The following NRIP3 variants were observed in gnomAD, a reference collection of about 807,000 sequenced individuals.
The protein encoded by NRIP3 is nuclear receptor interacting protein 3.
Under a neutral mutation model 29.0 loss-of-function variants are expected in NRIP3, and 31 were observed. The ratio of observed to expected loss-of-function variants is 1.07; its 90% CI spans 0.80 to 1.44. NRIP3 has a LOEUF of 1.44. NRIP3 is among the 40% of genes most tolerant of loss of function. The pLI, the probability that NRIP3 is intolerant of heterozygous loss-of-function variation, is 0.00. For missense variants in NRIP3, 314 were observed against 297.9 expected (o/e 1.05, Z -0.40); for synonymous variants, 131 against 118.3 (o/e 1.11, Z -0.70).
intron 1 of NRIP3, among the ~76,000 whole-genome samples, chr11:8,997,355 CAAAAAAAAAA>C (rs11324721): frequency 9.9e-6 from 1 of 100,860 alleles, no homozygotes; most frequent in East Asian, 2.9e-4. Context: ...GACTCCGTCT[CAAAAAAAAAA>C]AAAAAAAAAA....
At position 8,985,911 on chromosome 11, in the gene NRIP3, A is replaced by G. The variant is rs968402891; in HGVS notation, c.423-61T>C. 7 of 1,573,040 alleles carry G rather than the reference A, an allele frequency of 4.4e-6. No individual in the cohort carries two copies. In the Admixed American group the frequency reaches 5.1e-5, roughly 11 times the overall value. ...CAGAGATTCCTGGTAGAATCCTGCA[A>G]TGCCTACCTTCTGACCTACAATTGG... On this transcript the variant is annotated intron_variant, in intron 3 of 6. Coordinates refer to ENST00000309166, the MANE Select transcript of NRIP3 (RefSeq NM_020645.3).
chr11:8,982,678 A>G lies in NRIP3; in HGVS notation c.*867T>C, dbSNP rs1854440450. The stretch of plus-strand genomic sequence containing the variant: ...TTCACAGTGAGAAACCATTTCATTC[A>G]TCTTTGTACGCTCGTTTTTAGGCAC... On this transcript the variant is annotated 3_prime_UTR_variant, in exon 7 of 7. Transcript: ENST00000309166. 1 of 217,918 alleles carries G rather than the reference A, an allele frequency of 4.6e-6. No individual in the cohort carries two copies. The highest frequency in any genetic ancestry group is 2.4e-5 in the African/African-American group (1 of 42,462). 13.5% of individuals were successfully genotyped at this position (217,918 alleles called of 1,614,324 possible). A position where few individuals can be genotyped will look rare whatever the true frequency, so the allele number is the denominator to read the frequency against.
upstream of NRIP3, chr11:9,004,048 G>C (rs952100957): frequency 6.4e-6 from 7 of 1,094,878 alleles, no homozygotes; most frequent in Non-Finnish European, 8.4e-6. Flanking sequence ...GCGTGACGTC[G>C]CGGGGAGCAG....
At chr11:8,991,800 AG>A (rs35606591) in intron 1 of NRIP3, among the ~76,000 whole-genome samples, 2 of 152,222 alleles carry the variant, frequency 1.3e-5, no homozygotes, top group Non-Finnish European at 2.9e-5. Context: ...CTTTGTAGTT[AG>A]GCATAGCCAT....
chr11:9,002,984 A>G (rs1329717773), intron 1 of NRIP3, among the ~76,000 whole-genome samples: 1 of 152,208 alleles, frequency 6.6e-6, no homozygotes, highest in Non-Finnish European at 1.5e-5. Flanking sequence ...GAAAGAGGAC[A>G]GTACCATCTT....
chr11:8,996,518 T>C lies in NRIP3; in HGVS notation c.174+7244A>G, dbSNP rs1200157933. On this transcript the variant is annotated intron_variant, in intron 1 of 6. Coordinates refer to ENST00000309166, the MANE Select transcript of NRIP3 (RefSeq NM_020645.3). The stretch of plus-strand genomic sequence containing the variant: ...CTGGTCTCAAACTCCTGACCTCAGG[T>C]GATCCACTTGCCTTGGCCTCCCAAA... Among the ~76,000 whole-genome samples, 4 of 152,240 alleles carry C rather than the reference T, an allele frequency of 2.6e-5. No individual in the cohort carries two copies. In the East Asian group the frequency reaches 7.7e-4, roughly 29 times the overall value.
chr11:8,986,190 C>T (rs1227867808), intron 3 of NRIP3, among the ~76,000 whole-genome samples: 1 of 152,222 alleles, frequency 6.6e-6, no homozygotes, highest in Non-Finnish European at 1.5e-5. Flanking sequence ...TCCTTTTACC[C>T]ATCTGTGAGT....
chr11:8,986,084 T>C (rs916028325), intron 3 of NRIP3, among the ~76,000 whole-genome samples: 2 of 152,216 alleles, frequency 1.3e-5, no homozygotes, highest in East Asian at 1.9e-4. Flanking sequence ...ACATCACTTA[T>C]GTGTATTGGT....
intron 1 of NRIP3, among the ~76,000 whole-genome samples, chr11:9,001,633 C>A (rs148398971): frequency 1.3e-5 from 2 of 152,350 alleles, no homozygotes; most frequent in East Asian, 3.9e-4. Context: ...CAACACTGGT[C>A]TATCCCACAT....
intron 1 of NRIP3, among the ~76,000 whole-genome samples, chr11:8,998,696 T>C (rs1475759715): frequency 6.6e-6 from 1 of 152,156 alleles, no homozygotes; most frequent in East Asian, 1.9e-4. Flanking sequence ...CTGGTGGTGT[T>C]ACTTATCTTC....
intron 1 of NRIP3, among the ~76,000 whole-genome samples, chr11:8,989,694 A>C (rs1048682046): frequency 2.6e-5 from 4 of 152,250 alleles, no homozygotes. Flanking sequence ...AGCTAGAGGA[A>C]GTGCTAACTC....
intron 1 of NRIP3, among the ~76,000 whole-genome samples, chr11:8,992,907 G>C (rs892468579): frequency 7.1e-6 from 1 of 141,754 alleles, no homozygotes; most frequent in Non-Finnish European, 1.5e-5. Flanking sequence ...GCGAGACTCC[G>C]TCTCAAAAAA....
At position 8,987,563 on chromosome 11, in the gene NRIP3, C is replaced by T; in HGVS notation, c.407G>A (p.Cys136Tyr). The T allele has an allele frequency of 6.2e-7, 1 of 1,613,848 alleles. No homozygotes were observed. The highest frequency in any genetic ancestry group is 2.2e-5 in the East Asian group (1 of 44,888). ...GCCTACTTACCCCAATCTGTCCACACAGGCCAAAGAGATGAGATTATATAG... is the reference window on the plus strand; with the variant it reads ...GCCTACTTACCCCAATCTGTCCACATAGGCCAAAGAGATGAGATTATATAG... ...GCLYNLISLA[C>Y]VDRLGLKEHV... The change falls in exon 3 of 7, where the codon TGT (cysteine) becomes TAT (tyrosine). Residue 136 changes from cysteine (C) to tyrosine (Y), a missense_variant. Cys to Tyr is a radical substitution (Grantham distance 194). Transcript: ENST00000309166.
chr11:8,992,933 G>C (rs558681660), intron 1 of NRIP3, among the ~76,000 whole-genome samples: 1 of 151,986 alleles, frequency 6.6e-6, no homozygotes, highest in East Asian at 1.9e-4. Flanking sequence ...AAATTTGATA[G>C]TACATAATTT....
In NRIP3 at chr11:8,984,172, C is replaced by T. The variant is rs768084971; in HGVS notation, c.563-48G>A. ...TAAGATTTAGCCATTTCCATGCTTG[C>T]TTAGAAGTTGGCCTAATCACTATTA... On this transcript the variant is annotated intron_variant, in intron 4 of 6. Transcript: ENST00000309166. 3 of 1,365,596 alleles carry T rather than the reference C, an allele frequency of 2.2e-6. No individual in the cohort carries two copies. The African/African-American group carries it at 4.3e-5, about 20-fold the overall frequency. The allele number at this position is 1,365,596 out of a possible 1,614,324, so 84.6% of individuals were successfully genotyped here. A position where few individuals can be genotyped will look rare whatever the true frequency, so the allele number is the denominator to read the frequency against.
chr11:9,001,753 C>T (rs549348256), intron 1 of NRIP3, among the ~76,000 whole-genome samples: 2 of 144,656 alleles, frequency 1.4e-5, no homozygotes, highest in Admixed American at 6.7e-5. Context: ...CTCACCCCAG[C>T]GCTTGCGGCT....
rs754478311 is a variant in NRIP3, at chr11:9,003,794, C to T, written c.142G>A (p.Gly48Ser). Reference sequence around the variant, plus strand: ...TTGGACGAGCCCAGCTTCTTGAGGCCGTCCAGGGGCAGCAGGTCGGCGGAG... The same window carrying T: ...TTGGACGAGCCCAGCTTCTTGAGGCTGTCCAGGGGCAGCAGGTCGGCGGAG... ...KDSADLLPLD[G>S]LKKLGSSKDM... is the part of the protein sequence containing the mutation. Residue 48 changes from glycine (G) to serine (S), a missense_variant, in exon 1 of 7, where the codon GGC becomes AGC. By Grantham distance (56) the Gly-to-Ser change is moderately conservative. Coordinates refer to ENST00000309166, the MANE Select transcript of NRIP3 (RefSeq NM_020645.3). 1.3e-6 allele frequency: 2 copies of T among 1,500,322 alleles called. No individual in the cohort carries two copies. Among genetic ancestry groups the T allele is most frequent in the Non-Finnish European group, 1.8e-6 (2 of 1,122,168 alleles). 92.9% of individuals were successfully genotyped at this position (1,500,322 alleles called of 1,614,324 possible). A position where few individuals can be genotyped will look rare whatever the true frequency, so the allele number is the denominator to read the frequency against.
rs1438047850 is a variant in NRIP3, at chr11:8,983,279, G to C, written c.*266C>G. 2 of 541,558 alleles carry C rather than the reference G, an allele frequency of 3.7e-6. No homozygotes were observed. Among genetic ancestry groups the C allele is most frequent in the African/African-American group, 3.8e-5 (2 of 52,158 alleles). 33.5% of individuals were successfully genotyped at this position (541,558 alleles called of 1,614,324 possible). A position where few individuals can be genotyped will look rare whatever the true frequency, so the allele number is the denominator to read the frequency against. On this transcript the variant is annotated 3_prime_UTR_variant, in exon 7 of 7. Coordinates refer to ENST00000309166, the MANE Select transcript of NRIP3 (RefSeq NM_020645.3). ...ATTCCTGGAAGAAGCAGAGAAATAG[G>C]CCACAAGTGAGACTGGCAGTGTCAA...
chr11:8,988,163 C>A lies in NRIP3; in HGVS notation c.294G>T (p.Gly98=). ...TGTCATCCTCCTCAGACTTCTTTAG[C>A]CCCTCAGACTTAGCCTGATTGAGTT... ...TNKLNQAKSE[G]LKKSEEDDMI... The change falls in exon 2 of 7, where the codon GGG becomes GGT. Residue 98 remains glycine, a synonymous_variant. Coordinates refer to ENST00000309166, the MANE Select transcript of NRIP3 (RefSeq NM_020645.3). 1 of 1,614,200 alleles carries A rather than the reference C, an allele frequency of 6.2e-7. No individual in the cohort carries two copies. Among genetic ancestry groups the A allele is most frequent in the Non-Finnish European group, 8.5e-7 (1 of 1,180,032 alleles).
Sources: allele counts gnomAD v4.1 joint callset (sites outside exome capture counted in the v4.1 genomes callset), GRCh38; gene constraint gnomAD v4.1.1; transcripts MANE v1.5; gene names NCBI Gene and HGNC (gene_info 2026-07-23, HGNC 2026-07-21).